Variants in AIMP1 observed in about 807,000 individuals in gnomAD.
AIMP1 encodes the protein aminoacyl tRNA synthetase complex interacting multifunctional protein 1.
In AIMP1, 24 loss-of-function variants were observed where a neutral mutation model predicts 33.1. The observed-to-expected ratio is 0.73, with a 90% confidence interval of 0.53 to 1.02. The LOEUF (loss-of-function observed/expected upper bound fraction) is 1.02. Ranked by LOEUF, AIMP1 falls within the 50% of genes least tolerant of loss-of-function variation. AIMP1 has a pLI of 0.00. For missense variants in AIMP1, 367 were observed against 364.8 expected, an observed-to-expected ratio of 1.01 and a Z score of -0.05; for synonymous variants, 120 against 121.5, an observed-to-expected ratio of 0.99 and a Z score of 0.08.
At chr4:106,330,849 G>T (rs1769648592) in intron 4 of AIMP1, among the ~76,000 whole-genome samples, 1 of 151,892 alleles carries the variant, frequency 6.6e-6, no homozygotes. Context: ...ACTTTTTTGG[G>T]GCCAGAAAAG....
intron 1 of AIMP1, among the ~76,000 whole-genome samples, chr4:106,319,030 A>G (rs1561019561): frequency 2.0e-5 from 3 of 152,302 alleles, no homozygotes; most frequent in Admixed American, 6.5e-5. Flanking sequence ...TTTCTTGTAT[A>G]GTATTTAAAG....
At chr4:106,331,546 G>T (rs982152381) in intron 4 of AIMP1, 126 bp from the exon 5 acceptor site, 15 of 757,702 alleles carry the variant, frequency 2.0e-5, no homozygotes, top group African/African-American at 3.5e-5. Context: ...TTAAGTGAAG[G>T]TAGGAGATAA....
rs754160092 is a variant in AIMP1 at position 106,349,092 on chromosome 4, T to A, written c.*1400T>A. On this transcript the variant is annotated 3_prime_UTR_variant, in exon 7 of 7. Coordinates refer to ENST00000672341, the MANE Select transcript of AIMP1 (RefSeq NM_001142416.2). The stretch of plus-strand genomic sequence containing the variant: ...GCCAGGATATATTATAGTACCATTA[T>A]CAATGTGATATTCTGAAAATATGAA... 2.3e-4 allele frequency: 35 copies of A among 152,096 alleles called. No homozygotes were observed. In the Middle Eastern group the frequency reaches 9.5e-3, roughly 41 times the overall value. The allele number at this position is 152,096 out of a possible 1,614,324, so 9.4% of individuals were successfully genotyped here.
chr4:106,317,526 G>A lies in AIMP1; in HGVS notation c.-26+932G>A, dbSNP rs147918945. On this transcript the variant is annotated intron_variant, in intron 1 of 6. Transcript: ENST00000672341. ...GTAGGAGAAAGGAGACCAATAAGAA[G>A]AGTTTTGCAATAATCCAGAGGAAGC... Among the ~76,000 whole-genome samples the A allele has an allele frequency of 4.7e-4, 71 of 152,322 alleles. No individual in the cohort carries two copies. In the East Asian group the frequency reaches 0.013, roughly 28 times the overall value.
At position 106,327,491 on chromosome 4, in the gene AIMP1, T is replaced by G. The variant is rs1769497376; in HGVS notation, c.150T>G (p.Val50=). The G allele has an allele frequency of 6.2e-7, 1 of 1,613,022 alleles. No homozygotes were observed. The highest frequency in any genetic ancestry group is 8.5e-7 in the Non-Finnish European group (1 of 1,179,322). The change falls in exon 3 of 7, where the codon GTT becomes GTG. Residue 50 remains valine (V), a synonymous_variant. Transcript: ENST00000672341. The stretch of plus-strand genomic sequence containing the variant: ...TGAGGGAAGAGAAGAAACTTCGAGT[T>G]GAAAATGCTAAACTGAAGAAAGAAA... ...ATLREEKKLR[V]ENAKLKKEIE...
At chr4:106,334,882 G>A (rs1055614323) in intron 5 of AIMP1, among the ~76,000 whole-genome samples, 3 of 152,178 alleles carry the variant, frequency 2.0e-5, no homozygotes, top group Non-Finnish European at 1.5e-5. Context: ...GATGTTCAAG[G>A]AACAGCAGGA....
chr4:106,347,487 A>G, intron 6 of AIMP1, 39 bp from the exon 7 acceptor site: 1 of 1,578,954 alleles, frequency 6.3e-7, no homozygotes, highest in Admixed American at 1.7e-5. Context: ...TTTGTATATT[A>G]GCTGTGTAAT....
intron 1 of AIMP1, among the ~76,000 whole-genome samples, chr4:106,320,305 T>TA (rs2125918425): frequency 1.3e-5 from 2 of 152,356 alleles, no homozygotes; most frequent in East Asian, 3.9e-4. Flanking sequence ...AACATTATTT[T>TA]AAAAATGTCT....
chr4:106,316,739 T>C, intron 1 of AIMP1, 145 bp downstream of exon 1: 1 of 681,716 alleles, frequency 1.5e-6, no homozygotes, highest in Non-Finnish European at 2.4e-6. Context: ...AGCCCTGGCC[T>C]AAGGAAACAG....
chr4:106,347,773 A>G lies in AIMP1; in HGVS notation c.*81A>G, dbSNP rs2125931006. 1.4e-6 allele frequency: 2 copies of G among 1,461,342 alleles called. No individual in the cohort carries two copies. The highest frequency in any genetic ancestry group is 1.9e-6 in the Non-Finnish European group (2 of 1,070,768). 90.5% of individuals were successfully genotyped at this position (1,461,342 alleles called of 1,614,324 possible). A position where few individuals can be genotyped will look rare whatever the true frequency, so the allele number is the denominator to read the frequency against. ...TATATTTGTCACTTATACCTAAAAT[A>G]TGAGTGGCTCATTTTTGCATTACTC... On this transcript the variant is annotated 3_prime_UTR_variant, in exon 7 of 7. Transcript: ENST00000672341.
intron 1 of AIMP1, among the ~76,000 whole-genome samples, chr4:106,320,071 CA>C (rs1290282102): frequency 1.3e-5 from 2 of 152,104 alleles, no homozygotes; most frequent in East Asian, 3.8e-4. Context: ...GCATGTTCTA[CA>C]AATATATGTA....
At chr4:106,339,847 T>C (rs1022405165) in intron 6 of AIMP1, among the ~76,000 whole-genome samples, 5 of 152,190 alleles carry the variant, frequency 3.3e-5, no homozygotes, top group African/African-American at 9.7e-5. Context: ...TTTACTCAAA[T>C]TCAGGATATA....
intron 1 of AIMP1, among the ~76,000 whole-genome samples, chr4:106,322,983 CAAAA>C (rs201904801): frequency 2.1e-5 from 2 of 95,862 alleles, no homozygotes; most frequent in African/African-American, 3.8e-5. Context: ...GACTCTGTCT[CAAAA>C]AAAAAAAAAA....
rs532582911 is a variant in AIMP1 at position 106,320,742 on chromosome 4, G to A, written c.-26+4148G>A. Reference sequence around the variant, plus strand: ...CAAGTAATTTTTTAAATTAAGAAAAGTATAGCCCTCTCCCTCTCCCTCTCC... The same window carrying A: ...CAAGTAATTTTTTAAATTAAGAAAAATATAGCCCTCTCCCTCTCCCTCTCC... On this transcript the variant is annotated intron_variant, in intron 1 of 6. Coordinates refer to ENST00000672341, the MANE Select transcript of AIMP1 (RefSeq NM_001142416.2). 2.5e-4 allele frequency among the ~76,000 whole-genome samples: 38 copies of A among 152,068 alleles called. No homozygotes were observed. In the South Asian group the frequency reaches 7.7e-3, roughly 31 times the overall value.
chr4:106,339,527 G>A (rs953746811), intron 6 of AIMP1, among the ~76,000 whole-genome samples: 3 of 152,122 alleles, frequency 2.0e-5, no homozygotes, highest in Non-Finnish European at 2.9e-5. Context: ...GCCATGTGGC[G>A]GCCTCCACTG....
intron 6 of AIMP1, 134 bp from the exon 7 acceptor site, chr4:106,347,392 G>A: frequency 1.4e-6 from 1 of 738,344 alleles, no homozygotes; most frequent in Non-Finnish European, 2.1e-6. Flanking sequence ...TAAAGTAAAT[G>A]TTAAAAGTTT....
Position 106,328,222 on chromosome 4 carries a change from A to G in AIMP1, c.370A>G (p.Lys124Glu), listed in dbSNP as rs917130414. Residue 124 changes from lysine to glutamate, a missense_variant, in exon 4 of 7, where the codon AAA becomes GAA. Transcript: ENST00000672341. ...AGGAACAGGAGACGAAAAGAAAGCG[A>G]AAGAGAAAATTGAAAAGAAAGGTAT... Reference protein sequence around the residue: ...KGGTGDEKKAKEKIEKKGEKK... With the variant: ...KGGTGDEKKAEEKIEKKGEKK... 8.1e-6 allele frequency: 13 copies of G among 1,610,642 alleles called. No individual in the cohort carries two copies. Among genetic ancestry groups the G allele is most frequent in the African/African-American group, 5.3e-5 (4 of 74,826 alleles).
upstream of AIMP1, chr4:106,315,637 G>A (rs1212389847): frequency 6.6e-6 from 1 of 152,162 alleles, no homozygotes; most frequent in Non-Finnish European, 1.5e-5. Flanking sequence ...TGCCTCCAAG[G>A]TGAGTAATGG....
At chr4:106,346,715 T>C (rs1246947267) in intron 6 of AIMP1, among the ~76,000 whole-genome samples, 1 of 152,216 alleles carries the variant, frequency 6.6e-6, no homozygotes, top group Admixed American at 6.5e-5. Context: ...TTTTGTATTT[T>C]GAAACATATT....
Sources: gnomAD v4.1 joint callset for allele counts (sites outside exome capture counted in the v4.1 genomes callset) on GRCh38, gnomAD v4.1.1 for gene constraint, MANE v1.5 for transcripts, NCBI Gene and HGNC (gene_info 2026-07-23, HGNC 2026-07-21) for gene names.